Variants in HNRNPC observed in about 807,000 individuals in gnomAD.
The protein encoded by HNRNPC is heterogeneous nuclear ribonucleoproteins C1/C2.
Under a neutral mutation model 33.2 loss-of-function variants are expected in HNRNPC, and 3 were observed. The ratio of observed to expected loss-of-function variants is 0.09; its 90% CI spans 0.04 to 0.23. The LOEUF (loss-of-function observed/expected upper bound fraction) is 0.23. Ranked by LOEUF, HNRNPC falls within the 10% of genes least tolerant of loss-of-function variation. HNRNPC has a pLI of 1.00. For synonymous variants in HNRNPC, 121 were observed against 126.7 expected (o/e 0.96, Z 0.30); for missense variants, 143 against 366.7 (o/e 0.39, Z 4.98).
intron 3 of HNRNPC, 35 bp from the exon 4 acceptor site, chr14:21,231,107 T>C (rs1894059519): frequency 6.3e-7 from 1 of 1,577,970 alleles, no homozygotes; most frequent in Admixed American, 1.7e-5. Flanking sequence ...AATGACAACT[T>C]TGTATCCGGG....
At chr14:21,258,326 G>A (rs1198382009) in intron 2 of HNRNPC, among the ~76,000 whole-genome samples, 1 of 151,800 alleles carries the variant, frequency 6.6e-6, no homozygotes, top group African/African-American at 2.4e-5. Context: ...GGAGGCGGAG[G>A]TTGCAGTGAG....
intron 3 of HNRNPC, 23 bp downstream of exon 3, chr14:21,233,930 C>A: frequency 1.2e-6 from 2 of 1,609,520 alleles, no homozygotes; most frequent in Non-Finnish European, 1.7e-6. Flanking sequence ...TGAATTACAT[C>A]ATCAATGAAA....
chr14:21,219,634 A>C (rs1295454277), intron 5 of HNRNPC, among the ~76,000 whole-genome samples: 3 of 151,902 alleles, frequency 2.0e-5, no homozygotes, highest in Non-Finnish European at 4.4e-5. Context: ...TCATTTTGGC[A>C]TTTTCAATCT....
intron 5 of HNRNPC, among the ~76,000 whole-genome samples, chr14:21,221,518 A>G (rs1892821052): frequency 6.6e-6 from 1 of 152,214 alleles, no homozygotes; most frequent in South Asian, 2.1e-4. Flanking sequence ...TTTACTGTCT[A>G]TTACAAAACC....
intron 2 of HNRNPC, among the ~76,000 whole-genome samples, chr14:21,253,720 T>C (rs1896911951): frequency 6.6e-6 from 1 of 152,108 alleles, no homozygotes; most frequent in Non-Finnish European, 1.5e-5. Context: ...CCGCTAACAC[T>C]GCCAATAAAT....
intron 2 of HNRNPC, chr14:21,262,920 A>G (rs1240073776): frequency 1.3e-5 from 2 of 152,240 alleles, no homozygotes; most frequent in Admixed American, 1.3e-4. Context: ...GAGATGCTCT[A>G]AAACAGTTAA....
At chr14:21,237,465 ATTC>A (rs1391241769) in intron 2 of HNRNPC, among the ~76,000 whole-genome samples, 1 of 152,190 alleles carries the variant, frequency 6.6e-6, no homozygotes, top group Admixed American at 6.5e-5. Context: ...AATTCCACAT[ATTC>A]TTCTGTAACT....
chr14:21,265,256 AC>A (rs1165359265), intron 1 of HNRNPC: 4 of 152,338 alleles, frequency 2.6e-5, no homozygotes, highest in East Asian at 1.9e-4. Context: ...TTATGGTGAA[AC>A]ATTTCATTTT....
chr14:21,227,564 T>C (rs560082175), intron 5 of HNRNPC, among the ~76,000 whole-genome samples: 1 of 152,346 alleles, frequency 6.6e-6, no homozygotes, highest in Admixed American at 6.5e-5. Flanking sequence ...AAAACGGAAT[T>C]ACTTTTGCTC....
intron 2 of HNRNPC, among the ~76,000 whole-genome samples, chr14:21,260,960 CAAAAAAAAAA>C (rs71112564): frequency 1.1e-5 from 1 of 88,520 alleles, no homozygotes; most frequent in Non-Finnish European, 2.3e-5. Flanking sequence ...GAGACTGTCT[CAAAAAAAAAA>C]AAAAAAAAAA....
chr14:21,249,942 T>C (rs1012876275), intron 2 of HNRNPC, among the ~76,000 whole-genome samples: 1 of 152,200 alleles, frequency 6.6e-6, no homozygotes, highest in Admixed American at 6.5e-5. Context: ...GTAAGGTCAA[T>C]ACATCTTTAC....
At chr14:21,260,589 C>T (rs892163592) in intron 2 of HNRNPC, among the ~76,000 whole-genome samples, 15 of 151,794 alleles carry the variant, frequency 9.9e-5, no homozygotes, top group Admixed American at 5.9e-4. Context: ...GAGGCTGAGG[C>T]GGGTGGATCA....
chr14:21,257,109 T>C (rs1284341418), intron 2 of HNRNPC, among the ~76,000 whole-genome samples: 5 of 152,188 alleles, frequency 3.3e-5, no homozygotes, highest in African/African-American at 1.2e-4. Flanking sequence ...AGGAGCACAG[T>C]TTTGCACTTT....
At chr14:21,244,172 A>G (rs1895680933) in intron 2 of HNRNPC, among the ~76,000 whole-genome samples, 1 of 151,888 alleles carries the variant, frequency 6.6e-6, no homozygotes, top group Non-Finnish European at 1.5e-5. Context: ...AATTTTTTGT[A>G]CTTTTAGTAG....
At chr14:21,233,924 T>A (rs1288407434) in intron 3 of HNRNPC, 29 bp downstream of exon 3, 1 of 1,607,952 alleles carries the variant, frequency 6.2e-7, no homozygotes, top group Non-Finnish European at 8.5e-7. Context: ...CAGGCCTGAA[T>A]TACATCATCA....
chr14:21,223,024 C>A (rs1395809819), intron 5 of HNRNPC, among the ~76,000 whole-genome samples: 1 of 152,000 alleles, frequency 6.6e-6, no homozygotes, highest in African/African-American at 2.4e-5. Flanking sequence ...CACGGTGAAG[C>A]CCCATCTCTA....
At chr14:21,251,892 T>C (rs1367976087) in intron 2 of HNRNPC, among the ~76,000 whole-genome samples, 1 of 152,192 alleles carries the variant, frequency 6.6e-6, no homozygotes, top group Non-Finnish European at 1.5e-5. Flanking sequence ...TGGTGTCAAA[T>C]GCAAAATTTG....
intron 2 of HNRNPC, among the ~76,000 whole-genome samples, chr14:21,252,319 T>C (rs906451049): frequency 6.6e-6 from 1 of 152,164 alleles, no homozygotes; most frequent in Admixed American, 6.5e-5. Flanking sequence ...TCTTTTTTTG[T>C]TGTTGTTTTT....
chr14:21,250,759 C>T (rs17092523), intron 2 of HNRNPC, among the ~76,000 whole-genome samples: 21,332 of 152,170 alleles, frequency 0.14, 1,711 homozygotes, highest in Admixed American at 0.23. Flanking sequence ...AAAACCACTC[C>T]TGCCAAAAAG....
Sources: allele counts gnomAD v4.1 joint callset (sites outside exome capture counted in the v4.1 genomes callset), GRCh38; gene constraint gnomAD v4.1.1; transcripts MANE v1.5; gene names NCBI Gene and HGNC (gene_info 2026-07-23, HGNC 2026-07-21).